Variants in LRRC27 observed in about 807,000 individuals in gnomAD.
LRRC27 encodes the protein leucine rich repeat containing 27.
Under a neutral mutation model 55.0 loss-of-function variants are expected in LRRC27, and 57 were observed. The observed-to-expected ratio is 1.04, with a 90% CI of 0.84 to 1.29. LRRC27 has a LOEUF of 1.29. Among genes scored for constraint, LRRC27 ranks in the 50% most tolerant of loss-of-function variants. LRRC27 has a pLI of 0.00. For synonymous variants in LRRC27, 278 were observed against 251.9 expected (o/e 1.10, Z -0.98); for missense variants, 721 against 651.5 (o/e 1.11, Z -1.16).
intron 3 of LRRC27, among the ~76,000 whole-genome samples, chr10:132,339,380 C>G (rs2067288508): frequency 6.6e-6 from 1 of 152,220 alleles, no homozygotes. Flanking sequence ...ACCCTTCAGG[C>G]TCTGCGAGGA....
At chr10:132,345,149 C>G (rs1182927454) in intron 5 of LRRC27, among the ~76,000 whole-genome samples, 1 of 152,182 alleles carries the variant, frequency 6.6e-6, no homozygotes, top group Admixed American at 6.5e-5. Context: ...TTCAGATGCT[C>G]ATGATGTGTT....
chr10:132,358,075 A>C (rs978500547), intron 8 of LRRC27, among the ~76,000 whole-genome samples: 4 of 152,254 alleles, frequency 2.6e-5, no homozygotes, highest in Non-Finnish European at 4.4e-5. Context: ...GTCCAAGGGA[A>C]AATCTTTGTG....
chr10:132,330,962 GGA>G (rs2066680380), upstream of LRRC27, among the ~76,000 whole-genome samples: 1 of 150,452 alleles, frequency 6.6e-6, no homozygotes, highest in Non-Finnish European at 1.5e-5. Flanking sequence ...CAGCACTTTG[GGA>G]GGCCGAGGGG....
chr10:132,366,757 C>A, intron 10 of LRRC27: 1 of 1,035,754 alleles, frequency 9.7e-7, no homozygotes, highest in Non-Finnish European at 1.2e-6. Flanking sequence ...AGCACTGTCA[C>A]GGGGGAGGAA....
chr10:132,365,368 G>T, intron 9 of LRRC27, 56 bp from the exon 10 acceptor site: 2 of 1,601,724 alleles, frequency 1.2e-6, no homozygotes, highest in Middle Eastern at 3.3e-4. Context: ...GGCGGGAGTT[G>T]CTAGGATGAG....
At chr10:132,343,741 T>C (rs1034318263) in intron 4 of LRRC27, among the ~76,000 whole-genome samples, 5 of 152,192 alleles carry the variant, frequency 3.3e-5, no homozygotes, top group Non-Finnish European at 5.9e-5. Flanking sequence ...GACACCCAAA[T>C]ACCCAAAATC....
chr10:132,346,459 G>A (rs1260521124), intron 5 of LRRC27, among the ~76,000 whole-genome samples: 4 of 152,130 alleles, frequency 2.6e-5, no homozygotes, highest in Admixed American at 2.0e-4. Flanking sequence ...GGCGGATCAC[G>A]AGGTCAGGAG....
In LRRC27 at chr10:132,352,802, T is replaced by C. The variant is rs1316841377; in HGVS notation, c.1073+1049T>C. On this transcript the variant is annotated intron_variant, in intron 7 of 10. Coordinates refer to ENST00000368614, the MANE Select transcript of LRRC27 (RefSeq NM_030626.3). ...GTTGCAGTGCTCGCGGTCGCCCCCT[T>C]GTGTCCGTCTTTGCCCTGGCTTCCT... The C allele has an allele frequency of 5.3e-6, 8 of 1,519,830 alleles. No individual in the cohort carries two copies. The South Asian group carries it at 7.0e-5, about 13-fold the overall frequency. The allele number at this position is 1,519,830 out of a possible 1,614,324, so 94.1% of individuals were successfully genotyped here.
intron 5 of LRRC27, 23 bp from the exon 6 acceptor site, chr10:132,347,961 A>G: frequency 3.2e-6 from 5 of 1,569,060 alleles, no homozygotes; most frequent in Non-Finnish European, 4.3e-6. Context: ...GGTAGCTACT[A>G]AAGCGGTTTC....
intron 3 of LRRC27, among the ~76,000 whole-genome samples, chr10:132,339,442 G>A (rs970550459): frequency 6.6e-6 from 1 of 152,212 alleles, no homozygotes; most frequent in Non-Finnish European, 1.5e-5. Context: ...AACACACCCG[G>A]TGCATCTCCA....
rs200111099 is a variant in LRRC27 at position 132,365,409 on chromosome 10, C to G, written c.1290-15C>G. ...ATGTGTCAAGTCATTTCCCTCTTTG[C>G]CCTTTGTTTCTCAGTGCCCTGCAGG... On this transcript the variant is annotated splice_polypyrimidine_tract_variant and intron_variant, in intron 9 of 10. Transcript: ENST00000368614. 3 of 1,612,956 alleles carry G rather than the reference C, an allele frequency of 1.9e-6. No homozygotes were observed. The Admixed American group carries it at 5.0e-5, about 27-fold the overall frequency.
chr10:132,334,753 C>T (rs543954619), intron 2 of LRRC27, among the ~76,000 whole-genome samples: 4 of 152,304 alleles, frequency 2.6e-5, no homozygotes, highest in African/African-American at 9.6e-5. Flanking sequence ...TTTTAATGAA[C>T]AGATATCCTC....
intron 3 of LRRC27, among the ~76,000 whole-genome samples, 164 bp from the exon 4 acceptor site, chr10:132,342,049 C>T (rs1311305801): frequency 6.6e-6 from 1 of 152,208 alleles, no homozygotes. Flanking sequence ...CCTGTGTTTG[C>T]ATATGACAGC....
chr10:132,375,002 G>A, intron 10 of LRRC27, 64 bp from the exon 11 acceptor site: 1 of 1,500,670 alleles, frequency 6.7e-7, no homozygotes, highest in African/African-American at 1.4e-5. Flanking sequence ...CTGAGCCAGA[G>A]ACGTGGTGAC....
upstream of LRRC27, chr10:132,330,628 C>T (rs918272793): frequency 3.1e-5 from 21 of 675,568 alleles, no homozygotes; most frequent in South Asian, 2.3e-4. Context: ...TTGCCTCACC[C>T]TCCCACACAG....
At chr10:132,352,884 C>T in intron 7 of LRRC27, 1 of 1,613,926 alleles carries the variant, frequency 6.2e-7, no homozygotes, top group South Asian at 1.1e-5. Flanking sequence ...TTCCTCAGTC[C>T]TTTCCTCCTC....
chr10:132,336,321 C>G (rs539873607), intron 2 of LRRC27, among the ~76,000 whole-genome samples: 57 of 152,240 alleles, frequency 3.7e-4, no homozygotes, highest in Non-Finnish European at 5.4e-4. Flanking sequence ...GGGTGCACAC[C>G]CATATACGTG....
chr10:132,330,670 GCATT>G (rs2066655444), upstream of LRRC27, among the ~76,000 whole-genome samples: 6 of 99,458 alleles, frequency 6.0e-5, no homozygotes, highest in Admixed American at 6.0e-4. Flanking sequence ...ACCACACCCA[GCATT>G]TTTTTTTTTT....
chr10:132,330,554 C>T, upstream of LRRC27: 1 of 714,608 alleles, frequency 1.4e-6, no homozygotes, highest in Non-Finnish European at 2.6e-6. Flanking sequence ...GTCACCGAAG[C>T]TGACATTAAG....
Sources: allele counts gnomAD v4.1 joint callset (sites outside exome capture counted in the v4.1 genomes callset), GRCh38; gene constraint gnomAD v4.1.1; transcripts MANE v1.5; gene names NCBI Gene and HGNC (gene_info 2026-07-23, HGNC 2026-07-21).